The following SLC10A7 variants were observed in gnomAD, a reference collection of about 807,000 sequenced individuals.
SLC10A7 encodes the protein solute carrier family 10 member 7.
A neutral mutation model predicts 43.2 loss-of-function variants in SLC10A7; 29 were observed. The observed-to-expected ratio is 0.67, with a 90% confidence interval of 0.50 to 0.92. The LOEUF is 0.92. Among genes scored for constraint, SLC10A7 ranks in the 40% least tolerant of loss-of-function variants. SLC10A7 has a pLI of 0.00. For synonymous variants in SLC10A7, 152 were observed against 144.8 expected (o/e 1.05, Z -0.35); for missense variants, 295 against 403.2 (o/e 0.73, Z 2.30).
intron 5 of SLC10A7, among the ~76,000 whole-genome samples, chr4:146,367,734 T>C (rs1736495302): frequency 6.6e-6 from 1 of 152,338 alleles, no homozygotes; most frequent in African/African-American, 2.4e-5. Flanking sequence ...CTCATTGCTT[T>C]ATCCAACATT....
chr4:146,378,963 T>C (rs1018344820), intron 5 of SLC10A7, among the ~76,000 whole-genome samples: 2 of 152,022 alleles, frequency 1.3e-5, no homozygotes, highest in Non-Finnish European at 2.9e-5. Flanking sequence ...TGAGCCCCCA[T>C]AATATACCCT....
At chr4:146,337,433 C>T (rs1167432006) in intron 5 of SLC10A7, among the ~76,000 whole-genome samples, 4 of 151,968 alleles carry the variant, frequency 2.6e-5, no homozygotes, top group African/African-American at 9.7e-5. Flanking sequence ...ACAAGATACA[C>T]AGCTCTCTTA....
chr4:146,274,371 T>C (rs1374041324), intron 10 of SLC10A7, among the ~76,000 whole-genome samples: 1 of 151,888 alleles, frequency 6.6e-6, no homozygotes, highest in African/African-American at 2.4e-5. Context: ...GCCTGGCTAG[T>C]TTTTGTATTT....
intron 4 of SLC10A7, among the ~76,000 whole-genome samples, chr4:146,481,611 G>T (rs553724502): frequency 6.6e-6 from 1 of 152,326 alleles, no homozygotes; most frequent in African/African-American, 2.4e-5. Context: ...CAAGTACTAT[G>T]CTGTGCCCCC....
At chr4:146,448,302 T>C (rs930474957) in intron 4 of SLC10A7, among the ~76,000 whole-genome samples, 3 of 152,144 alleles carry the variant, frequency 2.0e-5, no homozygotes, top group Non-Finnish European at 2.9e-5. Flanking sequence ...AGCAAGCTCT[T>C]TCATTGCTGA....
At chr4:146,441,196 G>A (rs1294940865) in intron 5 of SLC10A7, among the ~76,000 whole-genome samples, 1 of 152,136 alleles carries the variant, frequency 6.6e-6, no homozygotes, top group Non-Finnish European at 1.5e-5. Flanking sequence ...AGAAAAAGAG[G>A]AAGACTAAGA....
At chr4:146,402,640 G>A (rs1739301605) in intron 5 of SLC10A7, among the ~76,000 whole-genome samples, 2 of 152,176 alleles carry the variant, frequency 1.3e-5, no homozygotes, top group Non-Finnish European at 1.5e-5. Flanking sequence ...GGGGCAGGGG[G>A]ACAGGAATAA....
chr4:146,459,478 C>T (rs1160479559), intron 4 of SLC10A7, among the ~76,000 whole-genome samples: 7 of 151,554 alleles, frequency 4.6e-5, no homozygotes, highest in South Asian at 2.1e-4. Context: ...GACAGATATA[C>T]GGATCAACAG....
intron 5 of SLC10A7, among the ~76,000 whole-genome samples, chr4:146,430,904 C>T (rs914978557): frequency 6.6e-6 from 1 of 152,064 alleles, no homozygotes; most frequent in Non-Finnish European, 1.5e-5. Context: ...AAGTTAAAAT[C>T]AAGTTTATCA....
chr4:146,351,492 C>G (rs1394721955), intron 5 of SLC10A7, among the ~76,000 whole-genome samples: 1 of 150,010 alleles, frequency 6.7e-6, no homozygotes, highest in Non-Finnish European at 1.5e-5. Flanking sequence ...CTTCCCCAAT[C>G]TAGCAAGGCA....
intron 5 of SLC10A7, 66 bp downstream of exon 5, chr4:146,442,717 A>C (rs763884132): frequency 3.8e-6 from 6 of 1,576,788 alleles, no homozygotes; most frequent in Non-Finnish European, 4.3e-6. Context: ...AGCTTTCACT[A>C]AATCTTTCAT....
intron 4 of SLC10A7, among the ~76,000 whole-genome samples, chr4:146,480,260 A>G (rs779545032): frequency 6.6e-6 from 1 of 152,094 alleles, no homozygotes; most frequent in Non-Finnish European, 1.5e-5. Context: ...AATTATATTC[A>G]GTGTAGTTCC....
intron 9 of SLC10A7, 86 bp from the exon 10 acceptor site, chr4:146,283,351 G>T: frequency 3.1e-6 from 3 of 962,254 alleles, no homozygotes; most frequent in Non-Finnish European, 3.3e-6. Flanking sequence ...CTACCTTTAT[G>T]TTAACATCCC....
intron 5 of SLC10A7, among the ~76,000 whole-genome samples, chr4:146,364,540 TG>T (rs1393884106): frequency 6.6e-6 from 1 of 152,086 alleles, no homozygotes; most frequent in East Asian, 1.9e-4. Context: ...GAACAACAAA[TG>T]TTGCATGTTT....
intron 5 of SLC10A7, among the ~76,000 whole-genome samples, chr4:146,329,778 T>C (rs762741033): frequency 9.2e-5 from 14 of 152,176 alleles, no homozygotes; most frequent in African/African-American, 3.4e-4. Context: ...GTAAAAAGGG[T>C]GAGCTAAACA....
chr4:146,277,120 A>G (rs1729259311), intron 10 of SLC10A7, among the ~76,000 whole-genome samples: 1 of 152,204 alleles, frequency 6.6e-6, no homozygotes. Context: ...ATCACATTGT[A>G]AAATATATTT....
chr4:146,273,299 C>G (rs1052179161), intron 10 of SLC10A7, among the ~76,000 whole-genome samples: 1 of 152,130 alleles, frequency 6.6e-6, no homozygotes, highest in African/African-American at 2.4e-5. Flanking sequence ...TGCTCCATCA[C>G]TCAGGCTGAG....
At chr4:146,400,185 T>C (rs940791939) in intron 5 of SLC10A7, among the ~76,000 whole-genome samples, 2 of 152,192 alleles carry the variant, frequency 1.3e-5, no homozygotes, top group African/African-American at 4.8e-5. Context: ...TGTCTACTAC[T>C]GCCAAGTGTT....
intron 4 of SLC10A7, among the ~76,000 whole-genome samples, chr4:146,459,163 G>A (rs2149931636): frequency 6.6e-6 from 1 of 151,856 alleles, no homozygotes; most frequent in Non-Finnish European, 1.5e-5. Context: ...TGTAGACTGT[G>A]TATGCTAAAG....
Sources: allele counts gnomAD v4.1 joint callset (sites outside exome capture counted in the v4.1 genomes callset), GRCh38; gene constraint gnomAD v4.1.1; transcripts MANE v1.5; gene names NCBI Gene and HGNC (gene_info 2026-07-23, HGNC 2026-07-21).